The following CACNB4 variants were observed in gnomAD, a reference collection of about 807,000 sequenced individuals.
The protein encoded by CACNB4 is voltage-dependent L-type calcium channel subunit beta-4.
CACNB4 carries 32 observed loss-of-function variants against 71.2 expected under a neutral mutation model. That is an observed-to-expected ratio of 0.45 (90% confidence interval 0.34 to 0.60). The LOEUF is 0.60. Ranked by LOEUF, CACNB4 falls within the 20% of genes least tolerant of loss-of-function variation. The pLI, the probability that CACNB4 is intolerant of heterozygous loss-of-function variation, is 0.01. For missense variants in CACNB4, 464 were observed against 647.9 expected, an observed-to-expected ratio of 0.72 and a Z score of 3.08; for synonymous variants, 231 against 236.9, an observed-to-expected ratio of 0.97 and a Z score of 0.23.
intron 2 of CACNB4, among the ~76,000 whole-genome samples, chr2:152,029,753 C>T (rs1441906440): frequency 6.6e-6 from 1 of 152,126 alleles, no homozygotes; most frequent in East Asian, 1.9e-4. Flanking sequence ...TGATTAGTGC[C>T]TTAATGAAAG....
intron 2 of CACNB4, among the ~76,000 whole-genome samples, chr2:152,049,950 G>A (rs1685335089): frequency 6.6e-6 from 1 of 152,246 alleles, no homozygotes; most frequent in Non-Finnish European, 1.5e-5. Context: ...TGTCTGCAAG[G>A]CAACTGCATC....
chr2:151,996,488 A>G (rs1682052766), intron 2 of CACNB4, among the ~76,000 whole-genome samples: 1 of 152,002 alleles, frequency 6.6e-6, no homozygotes, highest in Admixed American at 6.6e-5. Flanking sequence ...TAAAAAAAAA[A>G]AAAAAAAAGA....
chr2:151,930,465 G>C (rs1225467336), intron 2 of CACNB4, among the ~76,000 whole-genome samples: 2 of 152,180 alleles, frequency 1.3e-5, no homozygotes, highest in Non-Finnish European at 2.9e-5. Context: ...TAAAAATCAT[G>C]AATGAATTTG....
chr2:151,890,477 T>C (rs577948323), intron 2 of CACNB4, among the ~76,000 whole-genome samples: 64 of 152,320 alleles, frequency 4.2e-4, no homozygotes, highest in African/African-American at 1.4e-3. Context: ...ATGAGGCATC[T>C]GAGGCTCAGA....
intron 2 of CACNB4, among the ~76,000 whole-genome samples, chr2:151,976,509 T>A (rs1175598381): frequency 6.6e-6 from 1 of 152,142 alleles, no homozygotes; most frequent in Admixed American, 6.5e-5. Flanking sequence ...CCATCAGAAG[T>A]CATTTTGTTC....
chr2:152,030,913 A>T (rs1215402280), intron 2 of CACNB4, among the ~76,000 whole-genome samples: 1 of 152,204 alleles, frequency 6.6e-6, no homozygotes, highest in Non-Finnish European at 1.5e-5. Flanking sequence ...TCTAAAATTG[A>T]TACTGATGTC....
intron 2 of CACNB4, among the ~76,000 whole-genome samples, chr2:151,953,626 G>GT (rs1213999641): frequency 6.6e-6 from 1 of 152,166 alleles, no homozygotes; most frequent in Non-Finnish European, 1.5e-5. Flanking sequence ...GGAAAGCATT[G>GT]TAAGTCCAGT....
intron 2 of CACNB4, among the ~76,000 whole-genome samples, chr2:151,887,835 G>A (rs552297934): frequency 1.3e-5 from 2 of 152,246 alleles, no homozygotes; most frequent in East Asian, 3.9e-4. Flanking sequence ...ACATCATGGG[G>A]GAAATTCGGA....
chr2:151,874,271 C>CA (rs1372874963), intron 5 of CACNB4: 7 of 152,004 alleles, frequency 4.6e-5, no homozygotes, highest in African/African-American at 1.7e-4. Flanking sequence ...AGTTCGAGAC[C>CA]AGCCTGACCA....
intron 2 of CACNB4, among the ~76,000 whole-genome samples, chr2:151,944,256 T>C (rs907244715): frequency 6.6e-6 from 1 of 152,022 alleles, no homozygotes. Context: ...CCCAGGCTTG[T>C]CTCAAATTCC....
chr2:151,880,994 A>C (rs752536251), intron 3 of CACNB4, 72 bp from the exon 4 acceptor site: 22 of 1,431,210 alleles, frequency 1.5e-5, no homozygotes, highest in Non-Finnish European at 2.1e-5. Context: ...TGAAACTCTG[A>C]TAGTACCAGG....
chr2:152,091,192 CAAG>C (rs1486618137), intron 2 of CACNB4, among the ~76,000 whole-genome samples: 1 of 152,116 alleles, frequency 6.6e-6, no homozygotes, highest in Non-Finnish European at 1.5e-5. Flanking sequence ...AGCCCCAAAA[CAAG>C]AAGAAGCACA....
chr2:151,945,181 CA>C (rs1340508148), intron 2 of CACNB4, among the ~76,000 whole-genome samples: 1 of 152,136 alleles, frequency 6.6e-6, no homozygotes, highest in Non-Finnish European at 1.5e-5. Flanking sequence ...AAAAGTTCAT[CA>C]AAAGGAAAGC....
At chr2:151,992,113 T>C (rs1681741587) in intron 2 of CACNB4, among the ~76,000 whole-genome samples, 1 of 152,138 alleles carries the variant, frequency 6.6e-6, no homozygotes, top group African/African-American at 2.4e-5. Flanking sequence ...GTTTCCTCTA[T>C]TTGGAGACAG....
chr2:151,847,742 T>C (rs2099837963), intron 12 of CACNB4, among the ~76,000 whole-genome samples: 1 of 152,096 alleles, frequency 6.6e-6, no homozygotes, highest in Admixed American at 6.5e-5. Flanking sequence ...AAAAATTAGC[T>C]GGGTGTGGTG....
intron 2 of CACNB4, among the ~76,000 whole-genome samples, chr2:151,985,785 A>G (rs1386279469): frequency 6.6e-6 from 1 of 152,024 alleles, no homozygotes; most frequent in Admixed American, 6.6e-5. Flanking sequence ...ATCCACATCT[A>G]AATAACAGAG....
rs375470454 is a variant in CACNB4, at chr2:152,088,287, A to G, written c.147+10043T>C. 6.6e-5 allele frequency among the ~76,000 whole-genome samples: 10 copies of G among 152,152 alleles called. No homozygotes were observed. In the South Asian group the frequency reaches 1.9e-3, roughly 28 times the overall value. ...AACAATCAGCATTAAATTGTTAGCA[A>G]TAGCATTGGGCCATTTAAGAAGAAA... is the stretch of plus-strand genomic sequence containing the variant. On this transcript the variant is annotated intron_variant, in intron 2 of 13. Transcript: ENST00000539935.
At position 151,876,424 on chromosome 2, in the gene CACNB4, A is replaced by G; in HGVS notation, c.521+2T>C. On this transcript the variant is annotated splice_donor_variant, in intron 5 of 13. Transcript: ENST00000539935. LOFTEE classifies it high-confidence loss of function. Reference sequence around the variant, plus strand: ...AAGTGCATAGAAAAGATGGGAACGTACCCTCCGTGAAAACGTCCTCTTTTT... The same window carrying G: ...AAGTGCATAGAAAAGATGGGAACGTGCCCTCCGTGAAAACGTCCTCTTTTT... 6.3e-7 allele frequency: 1 copy of G among 1,595,600 alleles called. No individual in the cohort carries two copies. The highest frequency in any genetic ancestry group is 8.6e-7 in the Non-Finnish European group (1 of 1,168,480).
chr2:152,077,118 G>C (rs1158228141), intron 2 of CACNB4, among the ~76,000 whole-genome samples: 1 of 152,182 alleles, frequency 6.6e-6, no homozygotes, highest in African/African-American at 2.4e-5. Flanking sequence ...ACTAATCTTG[G>C]CTTATTAAAA....
Sources: allele counts gnomAD v4.1 joint callset (sites outside exome capture counted in the v4.1 genomes callset), GRCh38; gene constraint gnomAD v4.1.1; transcripts MANE v1.5; gene names NCBI Gene and HGNC (gene_info 2026-07-23, HGNC 2026-07-21).